The following CCDC171 variants were observed in gnomAD, a reference collection of about 807,000 sequenced individuals.
The protein encoded by CCDC171 is coiled-coil domain containing 171, also known as coiled-coil domain-containing protein 171.
In CCDC171, 177 loss-of-function variants were observed where a neutral mutation model predicts 168.2. The ratio of observed to expected loss-of-function variants is 1.05; its 90% confidence interval spans 0.93 to 1.19. The LOEUF (loss-of-function observed/expected upper bound fraction) is 1.19. CCDC171 is among the 50% of genes most tolerant of loss of function. The pLI, the probability that CCDC171 is intolerant of heterozygous loss-of-function variation, is 0.00. For synonymous variants in CCDC171, 687 were observed against 540.8 expected (o/e 1.27, Z -3.75); for missense variants, 1,991 against 1,539.0 (o/e 1.29, Z -4.91).
the CCDC171 span, among the ~76,000 whole-genome samples, chr9:16,104,678 AC>A: frequency 4.1e-4 from 61 of 150,208 alleles, no homozygotes; most frequent in African/African-American, 1.5e-3. Flanking sequence ...CCATTCATCC[AC>A]CCACCCATCC....
At chr9:15,934,448 AT>A (rs1826884195) in intron 25 of CCDC171, among the ~76,000 whole-genome samples, 2 of 151,858 alleles carry the variant, frequency 1.3e-5, no homozygotes, top group Admixed American at 1.3e-4. Flanking sequence ...GGAAATGCAA[AT>A]CAAAACCACA....
chr9:15,820,538 C>T (rs1405858195), intron 21 of CCDC171, among the ~76,000 whole-genome samples: 1 of 117,194 alleles, frequency 8.5e-6, no homozygotes, highest in South Asian at 2.8e-4. Context: ...TACAAACTAC[C>T]ATCAGAGACT....
At chr9:16,093,677 C>G in the CCDC171 span, among the ~76,000 whole-genome samples, 1 of 152,140 alleles carries the variant, frequency 6.6e-6, no homozygotes, top group Non-Finnish European at 1.5e-5. Context: ...TGTGTGATAA[C>G]TTAAGGCTGA....
At chr9:16,038,881 A>AAG (rs1833523045), upstream of CCDC171, among the ~76,000 whole-genome samples, 3 of 135,088 alleles carry the variant, frequency 2.2e-5, 1 homozygote, top group Non-Finnish European at 4.7e-5. Flanking sequence ...AAAAAAAAAA[A>AAG]AAAGCTGAAT....
chr9:16,056,376 G>C (rs1236370297), intron 1 of CCDC171, among the ~76,000 whole-genome samples: 2 of 152,244 alleles, frequency 1.3e-5, no homozygotes, highest in African/African-American at 4.8e-5. Flanking sequence ...GTATGACTGA[G>C]AAACTGGATT....
At chr9:15,955,390 T>C (rs1829690639) in intron 25 of CCDC171, among the ~76,000 whole-genome samples, 1 of 152,044 alleles carries the variant, frequency 6.6e-6, no homozygotes, top group Non-Finnish European at 1.5e-5. Context: ...ACAATAATGG[T>C]CACCTGCCTT....
chr9:15,646,817 T>C (rs555062395), intron 7 of CCDC171, among the ~76,000 whole-genome samples: 2 of 152,112 alleles, frequency 1.3e-5, no homozygotes, highest in African/African-American at 2.4e-5. Flanking sequence ...CTTTAACACC[T>C]CACTGTCAAC....
At chr9:15,937,962 G>C (rs1046164196) in intron 25 of CCDC171, among the ~76,000 whole-genome samples, 1 of 151,836 alleles carries the variant, frequency 6.6e-6, no homozygotes, top group East Asian at 1.9e-4. Flanking sequence ...AATATAGTAT[G>C]TACGTCTTGA....
At chr9:15,923,944 G>A (rs1589140549) in intron 25 of CCDC171, among the ~76,000 whole-genome samples, 1 of 151,328 alleles carries the variant, frequency 6.6e-6, no homozygotes, top group Admixed American at 6.6e-5. Context: ...TGAGAAGGAT[G>A]GGATAGCCCA....
At chr9:15,569,427 TAAC>T (rs2040019355) in intron 2 of CCDC171, among the ~76,000 whole-genome samples, 1 of 152,246 alleles carries the variant, frequency 6.6e-6, no homozygotes, top group Non-Finnish European at 1.5e-5. Context: ...GCTTACAAAA[TAAC>T]AAGACTATTT....
chr9:15,633,855 T>A (rs1462101874), intron 7 of CCDC171, among the ~76,000 whole-genome samples: 1 of 152,204 alleles, frequency 6.6e-6, no homozygotes, highest in Non-Finnish European at 1.5e-5. Context: ...TAAAAAATGA[T>A]GAGTTCATGT....
At chr9:15,758,874 A>G (rs1162677843) in intron 18 of CCDC171, among the ~76,000 whole-genome samples, 9 of 152,084 alleles carry the variant, frequency 5.9e-5, no homozygotes, top group African/African-American at 2.2e-4. Context: ...TTCCACCATG[A>G]TTGTGAGGCT....
intron 7 of CCDC171, among the ~76,000 whole-genome samples, chr9:15,626,852 C>A (rs1434412836): frequency 1.3e-5 from 2 of 152,106 alleles, no homozygotes; most frequent in East Asian, 3.9e-4. Context: ...GGGAGAGTTC[C>A]CTCTTTTTCT....
At chr9:15,674,408 G>C (rs926403747) in intron 9 of CCDC171, among the ~76,000 whole-genome samples, 1 of 152,056 alleles carries the variant, frequency 6.6e-6, no homozygotes, top group Non-Finnish European at 1.5e-5. Flanking sequence ...GCTAGCTTTT[G>C]AATTTGATTG....
At chr9:15,864,376 T>C (rs2061682345) in intron 23 of CCDC171, among the ~76,000 whole-genome samples, 1 of 152,086 alleles carries the variant, frequency 6.6e-6, no homozygotes, top group African/African-American at 2.4e-5. Context: ...TTGTTACATA[T>C]GTATACATGT....
At position 15,966,683 on chromosome 9, in the gene CCDC171, T is replaced by C. The variant is rs541384736; in HGVS notation, c.3754-4926T>C. Among the ~76,000 whole-genome samples the C allele has an allele frequency of 5.9e-5, 9 of 152,334 alleles. No homozygotes were observed. In the East Asian group the frequency reaches 1.5e-3, roughly 26 times the overall value. On this transcript the variant is annotated intron_variant, in intron 25 of 25. Coordinates refer to ENST00000380701, the MANE Select transcript of CCDC171 (RefSeq NM_173550.4). ...CCCTTAGGGTGTTTCCTAATGCAAC[T>C]TCTTTGCATTTTTGCCATTAACTCA...
intron 11 of CCDC171, among the ~76,000 whole-genome samples, chr9:15,706,641 A>C (rs1244844997): frequency 1.3e-5 from 2 of 152,106 alleles, no homozygotes; most frequent in Non-Finnish European, 2.9e-5. Flanking sequence ...CTTATGCCTG[A>C]GGGTGTCAGC....
At chr9:15,979,796 A>G (rs1255111732) in intron 3 of CCDC171, among the ~76,000 whole-genome samples, 1 of 151,936 alleles carries the variant, frequency 6.6e-6, no homozygotes, top group African/African-American at 2.4e-5. Context: ...TACTGGGCTC[A>G]TAGAATGATT....
chr9:15,767,479 T>G (rs1289290292), intron 18 of CCDC171, among the ~76,000 whole-genome samples: 1 of 152,164 alleles, frequency 6.6e-6, no homozygotes, highest in Admixed American at 6.5e-5. Flanking sequence ...TATTTTAAAG[T>G]CCACTGATTA....
Sources: gnomAD v4.1 joint callset for allele counts (sites outside exome capture counted in the v4.1 genomes callset) on GRCh38, gnomAD v4.1.1 for gene constraint, MANE v1.5 for transcripts, NCBI Gene and HGNC (gene_info 2026-07-23, HGNC 2026-07-21) for gene names.